The following RPTOR variants were observed in gnomAD, a reference collection of about 807,000 sequenced individuals.
The protein encoded by RPTOR is regulatory associated protein of MTOR complex 1, also known as regulatory-associated protein of mTOR.
RPTOR carries 21 observed loss-of-function variants against 169.9 expected under a neutral mutation model. The observed-to-expected ratio is 0.12, with a 90% confidence interval of 0.09 to 0.18. The LOEUF (loss-of-function observed/expected upper bound fraction) is 0.18, where lower values mean the gene tolerates loss of function less well. Ranked by LOEUF, RPTOR falls within the 10% of genes least tolerant of loss-of-function variation. RPTOR has a pLI of 1.00. For missense variants in RPTOR, 1,133 were observed against 1,855.9 expected, an observed-to-expected ratio of 0.61 and a Z score of 7.16; for synonymous variants, 732 against 753.2, an observed-to-expected ratio of 0.97 and a Z score of 0.46.
Position 80,744,218 on chromosome 17 carries a change from C to G in RPTOR, c.655-9792C>G, listed in dbSNP as rs1341844898. ...GCACAGCCCTGGTTACTAGCACTGT[C>G]CTGGCTACTAGCACAGCCCTGGTTA... On this transcript the variant is annotated intron_variant, in intron 5 of 33. Coordinates refer to ENST00000306801, the MANE Select transcript of RPTOR (RefSeq NM_020761.3). 2.6e-4 allele frequency among the ~76,000 whole-genome samples: 26 copies of G among 98,674 alleles called. 2 individuals are homozygous for G. The East Asian group carries it at 5.0e-3, about 19-fold the overall frequency. 64.7% of individuals were successfully genotyped at this position (98,674 alleles called of 152,430 possible). A position where few individuals can be genotyped will look rare whatever the true frequency, so the allele number is the denominator to read the frequency against.
chr17:80,554,599 C>T (rs867702246), intron 1 of RPTOR, among the ~76,000 whole-genome samples: 1 of 151,980 alleles, frequency 6.6e-6, no homozygotes, highest in Non-Finnish European at 1.5e-5. Flanking sequence ...CAAAAATTAG[C>T]CGGGCGAGGT....
Position 80,964,993 on chromosome 17 carries a change from C to T in RPTOR, c.*663C>T, listed in dbSNP as rs2069407362. On this transcript the variant is annotated 3_prime_UTR_variant, in exon 34 of 34. Coordinates refer to ENST00000306801, the MANE Select transcript of RPTOR (RefSeq NM_020761.3). ...CATCACTGAGCAGGAAGCGCACAGCCCACCCTCCCCGCACCTCCAGGTCTC... is the reference window on the plus strand; with the variant it reads ...CATCACTGAGCAGGAAGCGCACAGCTCACCCTCCCCGCACCTCCAGGTCTC... 1 of 233,356 alleles carries T rather than the reference C, an allele frequency of 4.3e-6. No homozygotes were observed. The highest frequency in any genetic ancestry group is 2.2e-5 in the African/African-American group (1 of 45,352). 14.5% of individuals were successfully genotyped at this position (233,356 alleles called of 1,614,324 possible).
chr17:80,729,290 T>C (rs2066368680), intron 4 of RPTOR, among the ~76,000 whole-genome samples: 1 of 152,226 alleles, frequency 6.6e-6, no homozygotes, highest in Non-Finnish European at 1.5e-5. Context: ...AAACTCACTT[T>C]TACTGTGACT....
intron 2 of RPTOR, among the ~76,000 whole-genome samples, chr17:80,642,698 G>A (rs1242879219): frequency 6.6e-6 from 1 of 152,190 alleles, no homozygotes; most frequent in East Asian, 1.9e-4. Flanking sequence ...ATAATCTGAA[G>A]GAAATTACCA....
At chr17:80,787,551 G>A (rs1230902045) in intron 6 of RPTOR, among the ~76,000 whole-genome samples, 4 of 152,190 alleles carry the variant, frequency 2.6e-5, no homozygotes, top group African/African-American at 7.2e-5. Flanking sequence ...CAGAGTTGCC[G>A]GATCATAGTG....
At chr17:80,766,689 CTGTT>C (rs1227531612) in intron 6 of RPTOR, among the ~76,000 whole-genome samples, 1 of 152,208 alleles carries the variant, frequency 6.6e-6, no homozygotes, top group African/African-American at 2.4e-5. Flanking sequence ...TGTAAGCTCA[CTGTT>C]TGTCACTAGG....
At chr17:80,866,468 A>G (rs565240432) in intron 13 of RPTOR, among the ~76,000 whole-genome samples, 41 of 152,340 alleles carry the variant, frequency 2.7e-4, no homozygotes, top group African/African-American at 9.9e-4. Context: ...CTAATACGAA[A>G]GAAGACAGTG....
In RPTOR at chr17:80,613,426, A is replaced by G. The variant is rs2065285535; in HGVS notation, c.163-12265A>G. ...CCCAGGACCTGACTCTGATGCCACA[A>G]GCATTTAATGAAGACGTTCAAAGTG... On this transcript the variant is annotated intron_variant, in intron 1 of 33. Transcript: ENST00000306801. Among the ~76,000 whole-genome samples the G allele has an allele frequency of 2.6e-5, 4 of 152,264 alleles. No individual in the cohort carries two copies. In the South Asian group the frequency reaches 6.2e-4, roughly 24 times the overall value.
chr17:80,718,083 C>T (rs1291423991), intron 4 of RPTOR, among the ~76,000 whole-genome samples: 1 of 152,158 alleles, frequency 6.6e-6, no homozygotes, highest in Non-Finnish European at 1.5e-5. Flanking sequence ...TATTTCCACC[C>T]TTTGCTGTGT....
intron 11 of RPTOR, among the ~76,000 whole-genome samples, chr17:80,850,053 ATTT>A (rs1220647803): frequency 1.3e-5 from 2 of 152,114 alleles, no homozygotes; most frequent in East Asian, 3.9e-4. Flanking sequence ...GTGTTCATTT[ATTT>A]ACTTGGCCCT....
intron 1 of RPTOR, among the ~76,000 whole-genome samples, chr17:80,574,898 C>T (rs925875076): frequency 9.9e-5 from 14 of 141,202 alleles, no homozygotes; most frequent in South Asian, 4.5e-4. Flanking sequence ...TCCTTGGCCT[C>T]GAGTGATCCT....
At chr17:80,749,745 C>T (rs2066613401) in intron 5 of RPTOR, among the ~76,000 whole-genome samples, 1 of 152,156 alleles carries the variant, frequency 6.6e-6, no homozygotes, top group Non-Finnish European at 1.5e-5. Flanking sequence ...GATGGCTTTG[C>T]TCTGTCACCC....
intron 28 of RPTOR, among the ~76,000 whole-genome samples, chr17:80,951,855 C>T (rs1439034857): frequency 1.3e-5 from 2 of 152,322 alleles, no homozygotes; most frequent in East Asian, 3.9e-4. Context: ...CCGGGTACGT[C>T]GGCCTATGTG....
chr17:80,852,981 T>C (rs1177280974), intron 11 of RPTOR, among the ~76,000 whole-genome samples: 1 of 151,864 alleles, frequency 6.6e-6, no homozygotes, highest in Non-Finnish European at 1.5e-5. Flanking sequence ...TTGCTTTCCT[T>C]CACCCCTTCT....
At chr17:80,852,110 T>G (rs2067799213) in intron 11 of RPTOR, among the ~76,000 whole-genome samples, 2 of 152,174 alleles carry the variant, frequency 1.3e-5, no homozygotes, top group African/African-American at 2.4e-5. Flanking sequence ...AGACATCTGG[T>G]AGCCGAACAC....
chr17:80,942,235 G>A (rs1479138472), intron 25 of RPTOR, among the ~76,000 whole-genome samples: 2 of 151,618 alleles, frequency 1.3e-5, no homozygotes, highest in African/African-American at 4.9e-5. Flanking sequence ...AGCACACGGG[G>A]GCTGCCTGCT....
intron 24 of RPTOR, among the ~76,000 whole-genome samples, chr17:80,939,336 CAT>C (rs1436504423): frequency 2.0e-5 from 3 of 152,404 alleles, no homozygotes; most frequent in African/African-American, 7.2e-5. Flanking sequence ...CCCCAACCCA[CAT>C]GTGCGTGCAC....
intron 3 of RPTOR, among the ~76,000 whole-genome samples, chr17:80,706,081 A>G (rs192571969): frequency 2.0e-3 from 300 of 152,358 alleles, no homozygotes; most frequent in South Asian, 3.7e-3. Flanking sequence ...GAAAGTTTTA[A>G]AAGTTTATCA....
intron 1 of RPTOR, among the ~76,000 whole-genome samples, chr17:80,619,950 G>T (rs1193946506): frequency 6.6e-6 from 1 of 152,178 alleles, no homozygotes; most frequent in Non-Finnish European, 1.5e-5. Context: ...GTGCCGTGGA[G>T]ATCTTTGAGC....
Sources: allele counts gnomAD v4.1 joint callset (sites outside exome capture counted in the v4.1 genomes callset), GRCh38; gene constraint gnomAD v4.1.1; transcripts MANE v1.5; gene names NCBI Gene and HGNC (gene_info 2026-07-23, HGNC 2026-07-21).